Variants in AKAP8 observed in about 807,000 individuals in gnomAD.
The protein encoded by AKAP8 is A-kinase anchor protein 8.
In AKAP8, 24 loss-of-function variants were observed where a neutral mutation model predicts 67.5. That is an observed-to-expected ratio of 0.36 (90% CI 0.26 to 0.50). AKAP8 has a LOEUF of 0.50. Among genes scored for constraint, AKAP8 ranks in the 20% least tolerant of loss-of-function variants. AKAP8 has a pLI of 0.97. For synonymous variants in AKAP8, 400 were observed against 371.1 expected (o/e 1.08, Z -0.90); for missense variants, 971 against 955.9 (o/e 1.02, Z -0.21).
At chr19:15,358,493 T>A (rs1049996898) in intron 13 of AKAP8, among the ~76,000 whole-genome samples, 1 of 151,958 alleles carries the variant, frequency 6.6e-6, no homozygotes, top group Non-Finnish European at 1.5e-5. Context: ...ATTACAGGCA[T>A]GAGCCATAAT....
intron 9 of AKAP8, among the ~76,000 whole-genome samples, chr19:15,363,116 G>A (rs1473229726): frequency 2.7e-5 from 4 of 150,730 alleles, no homozygotes; most frequent in South Asian, 2.1e-4. Context: ...GAGCCCCTCC[G>A]CCCGGCAGCC....
Position 15,377,000 on chromosome 19 carries a change from T to G in AKAP8, c.34A>C (p.Ser12Arg). ...DQGYGGYGAW[S>R]AGPANTQGAY... ...CCCTGGGTGTTGGCAGGTCCAGCAC[T>G]CCACGCCCCGTAGCCTGCAAGAAGA... The change falls in exon 2 of 14, where the codon AGT (serine) becomes CGT (arginine). Residue 12 changes from serine (S) to arginine (R), a missense_variant. Coordinates refer to ENST00000269701, the MANE Select transcript of AKAP8 (RefSeq NM_005858.4). 1 of 1,613,208 alleles carries G rather than the reference T, an allele frequency of 6.2e-7. No homozygotes were observed. The highest frequency in any genetic ancestry group is 8.5e-7 in the Non-Finnish European group (1 of 1,179,690).
At chr19:15,360,808 TG>T in intron 12 of AKAP8, 39 bp downstream of exon 12, 1 of 1,594,740 alleles carries the variant, frequency 6.3e-7, no homozygotes, top group Non-Finnish European at 8.6e-7. Flanking sequence ...GCCGCAGCCC[TG>T]CAATGAGCAC....
chr19:15,374,752 C>T (rs187364760), intron 2 of AKAP8, 117 bp from the exon 3 acceptor site: 1 of 1,161,046 alleles, frequency 8.6e-7, no homozygotes, highest in East Asian at 2.5e-5. Flanking sequence ...CTCCGCAGCG[C>T]TCAGGGAGAC....
chr19:15,360,506 C>T (rs1017447362), intron 12 of AKAP8, among the ~76,000 whole-genome samples: 1 of 152,214 alleles, frequency 6.6e-6, no homozygotes, highest in Non-Finnish European at 1.5e-5. Flanking sequence ...TAGGTAAGGA[C>T]AGAACCAGTC....
intron 6 of AKAP8, 91 bp downstream of exon 6, chr19:15,372,127 G>A: frequency 1.2e-6 from 2 of 1,608,584 alleles, no homozygotes; most frequent in Non-Finnish European, 1.7e-6. Flanking sequence ...CCACCTGCGA[G>A]TGTCCACGAC....
At chr19:15,361,540 G>C in intron 11 of AKAP8, 189 bp downstream of exon 11, 1 of 511,562 alleles carries the variant, frequency 2.0e-6, no homozygotes, top group South Asian at 2.2e-5. Context: ...TTTTAGTAGA[G>C]ACGGGGTTTC....
chr19:15,365,616 G>A (rs771697979), intron 9 of AKAP8, among the ~76,000 whole-genome samples: 1 of 152,210 alleles, frequency 6.6e-6, no homozygotes, highest in Non-Finnish European at 1.5e-5. Flanking sequence ...TAGGCGGGGA[G>A]GGGACAATCT....
chr19:15,373,815 G>A lies in AKAP8; in HGVS notation c.342C>T (p.Gly114=), dbSNP rs368273237. The A allele has an allele frequency of 8.1e-6, 13 of 1,610,816 alleles. 2 individuals carry two copies. In the South Asian group the frequency reaches 9.9e-5, roughly 12 times the overall value. ...CCCGGTCCTGTATGCCCTCCCCACCGCCGCCGCTCCCGCCCCTGCCTCCTT... is the reference window on the plus strand; with the variant it reads ...CCCGGTCCTGTATGCCCTCCCCACCACCGCCGCTCCCGCCCCTGCCTCCTT... The part of the protein sequence containing the change: ...SKEGGRGGSG[G]GGEGIQDRES... Residue 114 remains glycine (G), a synonymous_variant, in exon 4 of 14, where the codon GGC becomes GGT. Transcript: ENST00000269701.
At chr19:15,358,019 G>T (rs1568423029) in intron 13 of AKAP8, among the ~76,000 whole-genome samples, 1 of 152,100 alleles carries the variant, frequency 6.6e-6, no homozygotes, top group East Asian at 1.9e-4. Context: ...TAGATTCTGT[G>T]CCTTTAATAG....
chr19:15,376,697 G>GT (rs1221226866), intron 2 of AKAP8, among the ~76,000 whole-genome samples: 2 of 152,160 alleles, frequency 1.3e-5, no homozygotes, highest in Non-Finnish European at 2.9e-5. Flanking sequence ...CCAAAATAGA[G>GT]TATTCACTAA....
In AKAP8 at chr19:15,362,251, T is replaced by C. The variant is rs1200845919; in HGVS notation, c.1161A>G (p.Arg387=). The C allele has an allele frequency of 1.9e-6, 3 of 1,613,922 alleles. No individual in the cohort carries two copies. The South Asian group carries it at 3.3e-5, about 18-fold the overall frequency. Residue 387 remains arginine, a splice_region_variant and synonymous_variant, in exon 10 of 14, where the codon AGA becomes AGG. Transcript: ENST00000269701. The part of the protein sequence containing the change: ...RDRTRDRAAD[R]IQFACSVCKF... ...TGCATACAGAACAGGCAAACTGAAT[T>C]CTGTAGAAGGAAAACAAGGAGGGGA...
intron 9 of AKAP8, among the ~76,000 whole-genome samples, chr19:15,364,974 C>T (rs1346342050): frequency 6.6e-6 from 1 of 152,196 alleles, no homozygotes; most frequent in Non-Finnish European, 1.5e-5. Flanking sequence ...AACAGAATGG[C>T]AGTTACCCAA....
rs566972960 is a variant in AKAP8, at chr19:15,369,523, T to C, written c.1072+623A>G. On this transcript the variant is annotated intron_variant, in intron 8 of 13. Transcript: ENST00000269701. This position sits in a 1 kb window ranked among gnomAD's most constrained non-coding sequence, Gnocchi z 4.6. ...CGCGGCACCTCAGGCCGCTCTGCCATGAGGGATTTAAGCCTGCTCTGCTGT... is the reference window on the plus strand; with the variant it reads ...CGCGGCACCTCAGGCCGCTCTGCCACGAGGGATTTAAGCCTGCTCTGCTGT... Among the ~76,000 whole-genome samples, 212 of 152,346 alleles carry C rather than the reference T, an allele frequency of 1.4e-3. 2 individuals carry two copies. In the South Asian group the frequency reaches 0.042, roughly 30 times the overall value.
chr19:15,370,286 T>G (rs1325739884), intron 7 of AKAP8, 107 bp from the exon 8 acceptor site: 2 of 1,289,604 alleles, frequency 1.6e-6, no homozygotes, highest in African/African-American at 2.9e-5. Context: ...ACCCAAGACC[T>G]AGGTTGCTAT....
chr19:15,375,940 T>A (rs1295285525), intron 2 of AKAP8, among the ~76,000 whole-genome samples: 1 of 151,422 alleles, frequency 6.6e-6, no homozygotes, highest in East Asian at 1.9e-4. Context: ...GCCTGGCCTT[T>A]TTTTTTTTGA....
At chr19:15,361,349 CTTT>C (rs34004834) in intron 11 of AKAP8, 613 of 118,658 alleles carry the variant, frequency 5.2e-3, no homozygotes, top group South Asian at 0.016. Flanking sequence ...CTTCATGCCA[CTTT>C]TTTTTTTTTT....
intron 13 of AKAP8, among the ~76,000 whole-genome samples, chr19:15,356,321 C>T (rs535023643): frequency 3.9e-5 from 6 of 152,060 alleles, no homozygotes; most frequent in Non-Finnish European, 8.8e-5. Flanking sequence ...AGCAGAATGG[C>T]GTGAACCTGG....
At position 15,355,270 on chromosome 19, in the gene AKAP8, G is replaced by T. The variant is rs765693748; in HGVS notation, c.1724C>A (p.Ala575Glu). The change falls in exon 14 of 14, where the codon GCG becomes GAG. Residue 575 changes from alanine to glutamate, a missense_variant. Physicochemically the swap from Ala to Glu is moderately radical, Grantham distance 107. This residue lies in a region of AKAP8 where 204 missense variants were observed against 193.0 expected (regional missense o/e 1.06). Transcript: ENST00000269701. Reference protein sequence around the residue: ...DKKETPEEVAADVLAEVITAA... With the variant: ...DKKETPEEVAEDVLAEVITAA... ...TGTAATCACCTCTGCTAAGACGTCC[G>T]CGGCCACCTCCTCAGGTGTCTCTTT... is the stretch of plus-strand genomic sequence containing the variant. 4 of 1,612,992 alleles carry T rather than the reference G, an allele frequency of 2.5e-6. No individual in the cohort carries two copies. The highest frequency in any genetic ancestry group is 3.4e-6 in the Non-Finnish European group (4 of 1,180,018).
Sources: allele counts gnomAD v4.1 joint callset (sites outside exome capture counted in the v4.1 genomes callset), GRCh38; gene constraint gnomAD v4.1.1; regional missense constraint gnomAD v4.1.1; non-coding constraint Gnocchi (gnomAD v3.1); transcripts MANE v1.5; gene names NCBI Gene and HGNC (gene_info 2026-07-23, HGNC 2026-07-21).